Variants in FSTL5 observed in about 807,000 individuals in gnomAD.
The protein encoded by FSTL5 is follistatin like 5.
Under a neutral mutation model 89.1 loss-of-function variants are expected in FSTL5, and 62 were observed. The ratio of observed to expected loss-of-function variants is 0.70; its 90% CI spans 0.57 to 0.86. The LOEUF (loss-of-function observed/expected upper bound fraction) is 0.86, where lower values mean the gene tolerates loss of function less well. Among genes scored for constraint, FSTL5 ranks in the 40% least tolerant of loss-of-function variants. The pLI, the probability that FSTL5 is intolerant of heterozygous loss-of-function variation, is 0.00. For missense variants in FSTL5, 1,057 were observed against 1,001.6 expected (o/e 1.06, Z -0.75); for synonymous variants, 383 against 346.2 (o/e 1.11, Z -1.18).
At chr4:161,968,959 A>T (rs761648665) in intron 3 of FSTL5, among the ~76,000 whole-genome samples, 11 of 106,638 alleles carry the variant, frequency 1.0e-4, no homozygotes, top group Admixed American at 6.2e-4. Context: ...ACACACACAC[A>T]CTCACATAAG....
At chr4:161,455,179 T>C (rs1733310972) in intron 14 of FSTL5, 51 bp from the exon 15 acceptor site, 1 of 1,422,026 alleles carries the variant, frequency 7.0e-7, no homozygotes, top group African/African-American at 1.5e-5. Context: ...CACTTCATAG[T>C]ATAAGCTTTA....
At chr4:161,678,478 C>A (rs1463007851) in intron 6 of FSTL5, among the ~76,000 whole-genome samples, 1 of 151,758 alleles carries the variant, frequency 6.6e-6, no homozygotes. Context: ...AGAACCTACA[C>A]AAATACATTA....
At chr4:161,695,370 C>T (rs1175432373) in intron 6 of FSTL5, among the ~76,000 whole-genome samples, 4 of 151,386 alleles carry the variant, frequency 2.6e-5, no homozygotes, top group Non-Finnish European at 5.9e-5. Context: ...ATCCAGGTCG[C>T]TGTGAATGCC....
At chr4:162,092,663 A>T (rs1483806825) in intron 2 of FSTL5, among the ~76,000 whole-genome samples, 1 of 152,096 alleles carries the variant, frequency 6.6e-6, no homozygotes, top group African/African-American at 2.4e-5. Context: ...TTCAAAAGAT[A>T]GCTGAGGCCA....
intron 12 of FSTL5, among the ~76,000 whole-genome samples, chr4:161,493,535 G>C (rs76277342): frequency 0.032 from 4,813 of 151,920 alleles, 253 homozygotes; most frequent in African/African-American, 0.11. Flanking sequence ...TAGATGAAAA[G>C]ACTAAGTATT....
chr4:161,658,708 T>C (rs918246170), intron 6 of FSTL5, among the ~76,000 whole-genome samples: 1 of 152,200 alleles, frequency 6.6e-6, no homozygotes, highest in Admixed American at 6.5e-5. Context: ...CATGTCTTTT[T>C]TAATGTTACA....
intron 4 of FSTL5, among the ~76,000 whole-genome samples, chr4:161,846,238 GTATTTATATACA>G (rs1214281981): frequency 4.6e-5 from 7 of 151,746 alleles, no homozygotes; most frequent in African/African-American, 1.7e-4. Flanking sequence ...ATAAATGTGT[GTATTTATATACA>G]TATTTGTATT....
chr4:162,048,503 G>C (rs147146131), intron 2 of FSTL5, among the ~76,000 whole-genome samples: 3 of 152,080 alleles, frequency 2.0e-5, no homozygotes, highest in Non-Finnish European at 4.4e-5. Flanking sequence ...TGGTAAATCA[G>C]TCATATAAGA....
rs543084001 is a variant in FSTL5, at chr4:162,097,807, C to A, written c.126+13464G>T. ...CCAGAATGTCTGAAATTAAAAAGAC[C>A]AAAACAGCAAATACTGTCAAAAATG... On this transcript the variant is annotated intron_variant, in intron 2 of 15. Transcript: ENST00000306100. Among the ~76,000 whole-genome samples the A allele has an allele frequency of 2.1e-3, 315 of 151,708 alleles. 2 individuals are homozygous for A. Among genetic ancestry groups the A allele is most frequent in the Non-Finnish European group, 2.9e-3 (195 of 67,724 alleles).
At chr4:161,490,083 A>G (rs539184965) in intron 12 of FSTL5, among the ~76,000 whole-genome samples, 13 of 152,276 alleles carry the variant, frequency 8.5e-5, no homozygotes, top group African/African-American at 3.1e-4. Context: ...TTATTAAAAG[A>G]CATTTTATAT....
At chr4:162,109,879 G>C (rs923298402) in intron 2 of FSTL5, among the ~76,000 whole-genome samples, 2 of 151,714 alleles carry the variant, frequency 1.3e-5, no homozygotes, top group Non-Finnish European at 2.9e-5. Context: ...ATATTCAATG[G>C]GTACATAACA....
chr4:162,066,733 T>C (rs1218385930), intron 2 of FSTL5, among the ~76,000 whole-genome samples: 2 of 151,966 alleles, frequency 1.3e-5, no homozygotes, highest in Admixed American at 6.6e-5. Flanking sequence ...GCTTCCTGTT[T>C]CATCCATGTC....
At chr4:162,099,933 T>G (rs1056021586) in intron 2 of FSTL5, among the ~76,000 whole-genome samples, 1 of 142,948 alleles carries the variant, frequency 7.0e-6, no homozygotes, top group Non-Finnish European at 1.5e-5. Context: ...CTGGTGAGGA[T>G]AGTGGAGCAA....
chr4:161,439,922 G>A (rs538010076), intron 15 of FSTL5, among the ~76,000 whole-genome samples: 5 of 152,256 alleles, frequency 3.3e-5, no homozygotes, highest in African/African-American at 1.2e-4. Context: ...AATGGGGTCT[G>A]AGTTAAGCAT....
intron 3 of FSTL5, among the ~76,000 whole-genome samples, chr4:161,962,476 C>T (rs1348407589): frequency 6.6e-6 from 1 of 151,872 alleles, no homozygotes; most frequent in Non-Finnish European, 1.5e-5. Flanking sequence ...TTGCTATGAA[C>T]TTGAGAACAA....
intron 5 of FSTL5, among the ~76,000 whole-genome samples, chr4:161,763,772 C>T (rs566202456): frequency 1.3e-5 from 2 of 152,196 alleles, no homozygotes; most frequent in South Asian, 4.2e-4. Context: ...CAAAAGAAAG[C>T]CCATTTGATT....
intron 7 of FSTL5, among the ~76,000 whole-genome samples, chr4:161,631,119 T>C (rs1293797427): frequency 3.3e-5 from 5 of 152,178 alleles, no homozygotes; most frequent in Non-Finnish European, 1.5e-5. Flanking sequence ...ACCGGTGCCT[T>C]ATACCAAGAT....
intron 10 of FSTL5, among the ~76,000 whole-genome samples, chr4:161,535,784 C>G (rs74949893): frequency 0.012 from 1,783 of 152,156 alleles, 28 homozygotes; most frequent in African/African-American, 0.04. Flanking sequence ...GACACATGCA[C>G]TTGCATGTTT....
rs1294816522 is a variant in FSTL5 at position 161,816,052 on chromosome 4, T to A, written c.410-39978A>T. 2.6e-5 allele frequency among the ~76,000 whole-genome samples: 4 copies of A among 152,208 alleles called. 1 individual carries two copies. Among genetic ancestry groups the A allele is most frequent in the African/African-American group, 4.8e-5 (2 of 41,464 alleles). ...AACATTAGAAAATTGGCATCAGTCC[T>A]GTGGGCTAGAGTAATGTGAATTATT... On this transcript the variant is annotated intron_variant, in intron 4 of 15. Coordinates refer to ENST00000306100, the MANE Select transcript of FSTL5 (RefSeq NM_020116.5).
Sources: allele counts gnomAD v4.1 joint callset (sites outside exome capture counted in the v4.1 genomes callset), GRCh38; gene constraint gnomAD v4.1.1; transcripts MANE v1.5; gene names NCBI Gene and HGNC (gene_info 2026-07-23, HGNC 2026-07-21).